The following NMNAT1 variants were observed in gnomAD, a reference collection of about 807,000 sequenced individuals.
The protein encoded by NMNAT1 is nicotinamide/nicotinic acid mononucleotide adenylyltransferase 1.
NMNAT1 carries 11 observed loss-of-function variants against 16.7 expected under a neutral mutation model. That is an observed-to-expected ratio of 0.66 (90% CI 0.41 to 1.09). NMNAT1 has a LOEUF of 1.09. Ranked by LOEUF, NMNAT1 falls within the 50% of genes least tolerant of loss-of-function variation. The pLI, the probability that NMNAT1 is intolerant of heterozygous loss-of-function variation, is 0.00. For missense variants in NMNAT1, 280 were observed against 332.3 expected (o/e 0.84, Z 1.22); for synonymous variants, 110 against 119.8 (o/e 0.92, Z 0.53).
chr1:9,962,545 C>T (rs1001019615), intron 1 of NMNAT1, among the ~76,000 whole-genome samples: 7 of 151,738 alleles, frequency 4.6e-5, no homozygotes, highest in African/African-American at 9.7e-5. Context: ...ATGCTAAGCC[C>T]CTTGCCATGT....
chr1:9,958,552 G>T (rs1375289027), intron 1 of NMNAT1, among the ~76,000 whole-genome samples: 15 of 151,448 alleles, frequency 9.9e-5, no homozygotes, highest in Non-Finnish European at 1.5e-5. Context: ...CAATTCTCCT[G>T]CCTCAGCCTC....
At chr1:9,979,572 G>A (rs1213932533) in intron 3 of NMNAT1, among the ~76,000 whole-genome samples, 4 of 152,184 alleles carry the variant, frequency 2.6e-5, no homozygotes, top group South Asian at 4.2e-4. Flanking sequence ...AGGCCTAGGC[G>A]GGCAGATCAC....
chr1:9,987,057 G>A (rs1332569914), downstream of NMNAT1, among the ~76,000 whole-genome samples: 1 of 152,020 alleles, frequency 6.6e-6, no homozygotes, highest in Non-Finnish European at 1.5e-5. Flanking sequence ...AATTATACGG[G>A]CGTGGTGGCG....
At chr1:9,987,618 T>C (rs1401040727), downstream of NMNAT1, among the ~76,000 whole-genome samples, 1 of 151,922 alleles carries the variant, frequency 6.6e-6, no homozygotes, top group East Asian at 1.9e-4. Context: ...ACAGCCTGGG[T>C]GACAGAGCAA....
intron 1 of NMNAT1, among the ~76,000 whole-genome samples, chr1:9,944,908 C>G (rs1325029815): frequency 6.6e-6 from 1 of 152,200 alleles, no homozygotes; most frequent in Non-Finnish European, 1.5e-5. Context: ...TAGCCTCTAC[C>G]TTGCAAGACA....
At chr1:9,979,966 T>A (rs1250825308) in intron 3 of NMNAT1, among the ~76,000 whole-genome samples, 5 of 151,744 alleles carry the variant, frequency 3.3e-5, no homozygotes, top group African/African-American at 1.2e-4. Flanking sequence ...AGTTTTGCTC[T>A]TGTTGCCCAG....
chr1:9,956,214 G>GTGACACCCAGTGACAGAGATC (rs1487600404), intron 1 of NMNAT1, among the ~76,000 whole-genome samples: 9 of 146,428 alleles, frequency 6.1e-5, no homozygotes, highest in Non-Finnish European at 1.0e-4. Flanking sequence ...TTGTCACCCA[G>GTGACACCCAGTGACAGAGATC]GCTGGACTGC....
intron 1 of NMNAT1, among the ~76,000 whole-genome samples, chr1:9,951,477 G>GTTGTTGT (rs1553124462): frequency 2.3e-4 from 35 of 151,276 alleles, no homozygotes; most frequent in Admixed American, 1.3e-3. Context: ...TGTTGTTGTT[G>GTTGTTGT]TTGTTTGTTT....
chr1:9,988,992 G>A (rs1436944514), downstream of NMNAT1, among the ~76,000 whole-genome samples: 2 of 152,076 alleles, frequency 1.3e-5, no homozygotes, highest in Non-Finnish European at 2.9e-5. Context: ...TATTGCTAAG[G>A]AAAGGAGGCA....
At chr1:9,966,272 G>A (rs942622008) in intron 1 of NMNAT1, among the ~76,000 whole-genome samples, 16 of 151,148 alleles carry the variant, frequency 1.1e-4, no homozygotes, top group African/African-American at 3.2e-4. Flanking sequence ...GCACTCCACC[G>A]TGGGCAACAG....
chr1:9,962,305 A>G (rs1570691612), intron 1 of NMNAT1, among the ~76,000 whole-genome samples: 1 of 149,692 alleles, frequency 6.7e-6, no homozygotes, highest in Admixed American at 6.7e-5. Context: ...ACATGGTGAA[A>G]CCCCGTCTCT....
At chr1:9,996,309 C>CAAAAAAAA in the NMNAT1 span, among the ~76,000 whole-genome samples, 3 of 101,908 alleles carry the variant, frequency 2.9e-5, no homozygotes, top group East Asian at 5.3e-4. Context: ...GACTCCGTCT[C>CAAAAAAAA]AAAAAAAAAA....
At chr1:9,979,597 G>A (rs1467910731) in intron 3 of NMNAT1, among the ~76,000 whole-genome samples, 2 of 151,994 alleles carry the variant, frequency 1.3e-5, no homozygotes, top group African/African-American at 4.8e-5. Flanking sequence ...TCAGGAGATC[G>A]AGACCATCCT....
chr1:9,962,600 C>G (rs551398092), intron 1 of NMNAT1, among the ~76,000 whole-genome samples: 1 of 151,140 alleles, frequency 6.6e-6, no homozygotes, highest in Non-Finnish European at 1.5e-5. Flanking sequence ...TTGGCCTTCT[C>G]ATTATCTCCA....
chr1:9,963,928 A>G (rs553088350), intron 1 of NMNAT1, among the ~76,000 whole-genome samples: 4 of 151,254 alleles, frequency 2.6e-5, no homozygotes, highest in Non-Finnish European at 4.4e-5. Flanking sequence ...GTCTCACCCT[A>G]TCACTCAGGC....
intron 3 of NMNAT1, among the ~76,000 whole-genome samples, chr1:9,976,933 G>T (rs1363764291): frequency 2.7e-5 from 4 of 148,986 alleles, no homozygotes; most frequent in African/African-American, 5.0e-5. Context: ...TGAGATAGAG[G>T]TTCACTCTTG....
At chr1:9,961,961 T>C (rs1047900761) in intron 1 of NMNAT1, among the ~76,000 whole-genome samples, 9 of 150,470 alleles carry the variant, frequency 6.0e-5, no homozygotes, top group South Asian at 2.1e-4. Flanking sequence ...AGAGACGGGG[T>C]TTCTCCATGT....
chr1:9,980,839 G>T (rs1017544581), intron 3 of NMNAT1, among the ~76,000 whole-genome samples, 192 bp from the exon 4 acceptor site: 21 of 151,424 alleles, frequency 1.4e-4, no homozygotes, highest in African/African-American at 4.8e-4. Flanking sequence ...TGTATTTTTA[G>T]TAGAGACGGG....
rs536692485 is a variant in NMNAT1 at position 9,946,724 on chromosome 1, A to T, written c.-57+3209A>T. Among the ~76,000 whole-genome samples, 13 of 152,280 alleles carry T rather than the reference A, an allele frequency of 8.5e-5. No homozygotes were observed. In the East Asian group the frequency reaches 2.5e-3, roughly 29 times the overall value. On this transcript the variant is annotated intron_variant, in intron 1 of 4. Transcript: ENST00000377205. ...GAAATAATTAAGGTTAAATGAGGTC[A>T]TAAGTGTGGGGCCCTGATCCGATAG... is the stretch of plus-strand genomic sequence containing the variant.
Sources: allele counts gnomAD v4.1 joint callset (sites outside exome capture counted in the v4.1 genomes callset), GRCh38; gene constraint gnomAD v4.1.1; transcripts MANE v1.5; gene names NCBI Gene and HGNC (gene_info 2026-07-23, HGNC 2026-07-21).